Variants in CELF2 observed in about 807,000 individuals in gnomAD.
CELF2 encodes CUGBP Elav-like family member 2, also known as CUG triplet repeat RNA-binding protein 2.
In CELF2, 8 loss-of-function variants were observed where a neutral mutation model predicts 62.6. The ratio of observed to expected loss-of-function variants is 0.13; its 90% CI spans 0.07 to 0.23. The LOEUF (loss-of-function observed/expected upper bound fraction) is 0.23. CELF2 is among the 10% of genes least tolerant of loss of function. CELF2 has a pLI of 1.00. For missense variants in CELF2, 333 were observed against 671.0 expected (o/e 0.50, Z 5.56); for synonymous variants, 258 against 250.0 (o/e 1.03, Z -0.30).
the CELF2 span, among the ~76,000 whole-genome samples, chr10:10,668,726 G>A: frequency 3.9e-5 from 6 of 152,190 alleles, no homozygotes; most frequent in Non-Finnish European, 7.3e-5. Flanking sequence ...GGGAGGCCGA[G>A]GTGGGGGAAT....
At chr10:10,842,766 G>A (rs1564704332) in intron 1 of CELF2, among the ~76,000 whole-genome samples, 2 of 151,932 alleles carry the variant, frequency 1.3e-5, no homozygotes, top group Non-Finnish European at 2.9e-5. Flanking sequence ...CTTATAATGT[G>A]TTAATTTGGC....
chr10:10,907,749 G>T (rs564430299), intron 1 of CELF2, among the ~76,000 whole-genome samples: 1 of 151,980 alleles, frequency 6.6e-6, no homozygotes, highest in African/African-American at 2.4e-5. Flanking sequence ...CAAAATTCCC[G>T]TTGCTACAGA....
chr10:10,958,406 G>C (rs985756605), intron 2 of CELF2, among the ~76,000 whole-genome samples: 6 of 152,198 alleles, frequency 3.9e-5, no homozygotes, highest in Non-Finnish European at 8.8e-5. Context: ...ATCTGCCCAA[G>C]ATATTTTGCA....
At chr10:11,202,481 C>CT (rs1381322135) in intron 2 of CELF2, among the ~76,000 whole-genome samples, 4 of 152,132 alleles carry the variant, frequency 2.6e-5, no homozygotes, top group Non-Finnish European at 5.9e-5. Context: ...AATTTGGATC[C>CT]TAGACTGCCC....
chr10:10,944,666 A>G (rs2047449844), intron 2 of CELF2, among the ~76,000 whole-genome samples: 1 of 151,672 alleles, frequency 6.6e-6, no homozygotes, highest in Non-Finnish European at 1.5e-5. Flanking sequence ...CAGTGGCGTG[A>G]TCTCAGCTCA....
At chr10:11,266,261 T>C (rs993377057) in intron 5 of CELF2, among the ~76,000 whole-genome samples, 3 of 152,036 alleles carry the variant, frequency 2.0e-5, no homozygotes, top group African/African-American at 7.2e-5. Context: ...AAATGGAAAA[T>C]AGCAACTTTT....
At chr10:11,307,303 A>T (rs945785690) in intron 9 of CELF2, among the ~76,000 whole-genome samples, 2 of 152,252 alleles carry the variant, frequency 1.3e-5, no homozygotes, top group Non-Finnish European at 2.9e-5. Context: ...CAGTGTGGAC[A>T]TCATAGGAAG....
Position 11,005,384 on chromosome 10 carries a change from A to T in CELF2, c.-4A>T. On this transcript the variant is annotated 5_prime_UTR_variant, in exon 1 of 13. Transcript: ENST00000416382. The surrounding 1 kb of genome is among the most constrained non-coding windows in gnomAD (Gnocchi z 4.3). ...GCTTTTGTTGAGACTATCAGTATAG[A>T]AGCATGCGCTGTCCCAAATCCGCTG... The T allele has an allele frequency of 6.2e-7, 1 of 1,613,908 alleles. No individual in the cohort carries two copies. Among genetic ancestry groups the T allele is most frequent in the Non-Finnish European group, 8.5e-7 (1 of 1,179,852 alleles).
chr10:10,897,769 C>T (rs2062665004), intron 1 of CELF2, among the ~76,000 whole-genome samples: 1 of 152,170 alleles, frequency 6.6e-6, no homozygotes, highest in South Asian at 2.1e-4. Flanking sequence ...ACACTGACCG[C>T]TTGTACTGAA....
At chr10:11,093,601 C>T (rs2142056364) in intron 1 of CELF2, among the ~76,000 whole-genome samples, 1 of 152,224 alleles carries the variant, frequency 6.6e-6, no homozygotes, top group African/African-American at 2.4e-5. Flanking sequence ...TCCTATATGT[C>T]AAGCAAAGCT....
intron 8 of CELF2, among the ~76,000 whole-genome samples, chr10:11,283,740 A>G (rs1404061281): frequency 6.6e-6 from 1 of 151,196 alleles, no homozygotes; most frequent in South Asian, 2.1e-4. Context: ...GCCTGAGCCT[A>G]GAATGGTGGC....
rs2054954921 is a variant in CELF2 at position 11,110,811 on chromosome 10, T to A, written c.75-54675T>A. ...TCTGCTTGTCAAGGAACTGCAACCC[T>A]GACCTTAACCACCACCTCATTTCAT... On this transcript the variant is annotated intron_variant, in intron 1 of 12. Transcript: ENST00000633077. This position sits in a 1 kb window ranked among gnomAD's most constrained non-coding sequence, Gnocchi z 4.0. 1.3e-5 allele frequency among the ~76,000 whole-genome samples: 2 copies of A among 152,168 alleles called. No homozygotes were observed. The highest frequency in any genetic ancestry group is 4.1e-4 in the South Asian group (2 of 4,828).
chr10:10,902,053 G>A, intron 1 of CELF2, among the ~76,000 whole-genome samples: 1 of 152,158 alleles, frequency 6.6e-6, no homozygotes, highest in East Asian at 1.9e-4. Flanking sequence ...ATTTTTGAAT[G>A]GCTAAAATTA....
rs560567927 is a variant in CELF2, at chr10:11,296,099, C to A, written c.976+7547C>A. Among the ~76,000 whole-genome samples, 7 of 152,342 alleles carry A rather than the reference C, an allele frequency of 4.6e-5. No individual in the cohort carries two copies. The East Asian group carries it at 1.3e-3, about 29-fold the overall frequency. ...GTAGATTCCACCTGTGCCCTGAGCT[C>A]TCCTTGGCGGGTGCCTTCATCCCCG... On this transcript the variant is annotated intron_variant, in intron 9 of 12. Transcript: ENST00000633077. The surrounding 1 kb of genome is among the most constrained non-coding windows in gnomAD (Gnocchi z 5.0).
chr10:11,036,969 G>C (rs748708133), intron 1 of CELF2, among the ~76,000 whole-genome samples: 1 of 152,104 alleles, frequency 6.6e-6, no homozygotes, highest in Non-Finnish European at 1.5e-5. Context: ...GACTGTGGGC[G>C]TCTTGCGCTT....
At chr10:11,202,119 A>G (rs2059350457) in intron 2 of CELF2, among the ~76,000 whole-genome samples, 1 of 152,230 alleles carries the variant, frequency 6.6e-6, no homozygotes. Flanking sequence ...GACCAAGTTT[A>G]CGACTCATTT....
the CELF2 span, among the ~76,000 whole-genome samples, chr10:10,572,119 G>C: frequency 6.6e-6 from 1 of 152,128 alleles, no homozygotes; most frequent in Non-Finnish European, 1.5e-5. Context: ...GTCCCTGAGA[G>C]AGTCTGGGCC....
intron 1 of CELF2, among the ~76,000 whole-genome samples, chr10:10,823,243 A>G (rs145902650): frequency 1.3e-5 from 2 of 152,378 alleles, no homozygotes; most frequent in Admixed American, 1.3e-4. Context: ...ATATAAATTC[A>G]TAGTGAGTCT....
chr10:10,765,947 C>T, the CELF2 span, among the ~76,000 whole-genome samples: 1 of 152,272 alleles, frequency 6.6e-6, no homozygotes, highest in South Asian at 2.1e-4. Context: ...CTGGGCCAGA[C>T]ACAAGCGCAC....
Sources: allele counts gnomAD v4.1 joint callset (sites outside exome capture counted in the v4.1 genomes callset), GRCh38; gene constraint gnomAD v4.1.1; non-coding constraint Gnocchi (gnomAD v3.1); transcripts MANE v1.5; gene names NCBI Gene and HGNC (gene_info 2026-07-23, HGNC 2026-07-21).